Variants in CRTAC1 observed in about 807,000 individuals in gnomAD.
CRTAC1 encodes cartilage acidic protein 1.
A neutral mutation model predicts 67.8 loss-of-function variants in CRTAC1; 37 were observed. The ratio of observed to expected loss-of-function variants is 0.55; its 90% CI spans 0.42 to 0.72. The LOEUF (loss-of-function observed/expected upper bound fraction) is 0.72, where lower values mean the gene tolerates loss of function less well. Ranked by LOEUF, CRTAC1 falls within the 30% of genes least tolerant of loss-of-function variation. The pLI, the probability that CRTAC1 is intolerant of heterozygous loss-of-function variation, is 0.00. For missense variants in CRTAC1, 780 were observed against 931.6 expected (o/e 0.84, Z 2.12); for synonymous variants, 348 against 371.0 (o/e 0.94, Z 0.71).
At chr10:97,909,343 C>T (rs926326648) in intron 5 of CRTAC1, among the ~76,000 whole-genome samples, 1 of 152,092 alleles carries the variant, frequency 6.6e-6, no homozygotes, top group African/African-American at 2.4e-5. Flanking sequence ...GAAAATGGCC[C>T]GACCAGGATC....
chr10:97,885,655 C>A (rs1047448361), intron 11 of CRTAC1, among the ~76,000 whole-genome samples: 1 of 152,108 alleles, frequency 6.6e-6, no homozygotes, highest in African/African-American at 2.4e-5. Context: ...GGGGAGGAGG[C>A]GGGGGCTGGG....
At chr10:97,996,870 A>G (rs980531543) in intron 2 of CRTAC1, among the ~76,000 whole-genome samples, 2 of 152,276 alleles carry the variant, frequency 1.3e-5, no homozygotes, top group South Asian at 2.1e-4. Flanking sequence ...TTAAGAAAAT[A>G]TGGCACATAT....
intron 2 of CRTAC1, among the ~76,000 whole-genome samples, chr10:97,995,676 C>T (rs1300820202): frequency 1.3e-5 from 2 of 152,098 alleles, no homozygotes; most frequent in Non-Finnish European, 2.9e-5. Flanking sequence ...TTAGACCTGG[C>T]AGCAATGAAT....
chr10:97,865,563 G>A lies in CRTAC1; in HGVS notation c.1971C>T (p.Cys657=), dbSNP rs773387702. 26 of 1,609,586 alleles carry A rather than the reference G, an allele frequency of 1.6e-5. No individual in the cohort carries two copies. In the South Asian group the frequency reaches 2.3e-4, roughly 14 times the overall value. Residue 657 remains cysteine, a synonymous_variant, in exon 15 of 15, where the codon TGC becomes TGT. Coordinates refer to ENST00000370597, the MANE Select transcript of CRTAC1 (RefSeq NM_018058.7). ...LNLGSVVKES[C]EPSC Reference sequence around the variant, plus strand: ...CCACCCCTGCTCAGCAGCTGGGCTCGCAGCTCTCCTTAACCACCGACCCCA... The same window carrying A: ...CCACCCCTGCTCAGCAGCTGGGCTCACAGCTCTCCTTAACCACCGACCCCA...
intron 3 of CRTAC1, 27 bp downstream of exon 3, chr10:97,936,142 AG>A (rs775302078): frequency 6.4e-7 from 1 of 1,556,298 alleles, no homozygotes; most frequent in Non-Finnish European, 8.7e-7. Flanking sequence ...GATGGGAAGC[AG>A]GAAGAGGCCT....
chr10:97,899,637 A>G (rs2050505735), intron 8 of CRTAC1, among the ~76,000 whole-genome samples: 1 of 152,216 alleles, frequency 6.6e-6, no homozygotes, highest in Non-Finnish European at 1.5e-5. Context: ...CTAATTAGTA[A>G]ATCTAGCGCC....
At position 97,904,669 on chromosome 10, in the gene CRTAC1, C is replaced by A; in HGVS notation, c.996G>T (p.Arg332=). ...QMSTHGKVRF[R]DIASPKFSMP... ...CTCCTGGGGTGAGGCCCCTTCTTAC[C>A]CGGAAGCGGACCTTCCCATGGGTGC... is the stretch of plus-strand genomic sequence containing the variant. The change falls in exon 7 of 15, where the codon CGG becomes CGT. Residue 332 remains arginine, a splice_region_variant and synonymous_variant. Transcript: ENST00000370597. The A allele has an allele frequency of 6.5e-7, 1 of 1,540,482 alleles. No individual in the cohort carries two copies. The highest frequency in any genetic ancestry group is 8.7e-7 in the Non-Finnish European group (1 of 1,146,660).
At chr10:98,012,519 C>A (rs1350957538) in intron 1 of CRTAC1, among the ~76,000 whole-genome samples, 1 of 151,076 alleles carries the variant, frequency 6.6e-6, no homozygotes, top group Non-Finnish European at 1.5e-5. Context: ...CTAGATGGAA[C>A]TTTTCCTGCT....
chr10:98,027,024 G>A (rs1173733456), intron 1 of CRTAC1, among the ~76,000 whole-genome samples: 5 of 152,084 alleles, frequency 3.3e-5, no homozygotes, highest in African/African-American at 1.2e-4. Context: ...AAAGTTAGCC[G>A]GGCGTAGTGG....
intron 14 of CRTAC1, chr10:97,878,464 AAT>A: frequency 2.0e-6 from 1 of 508,544 alleles, no homozygotes; most frequent in Non-Finnish European, 2.8e-6. Flanking sequence ...TTTTTTGTTG[AAT>A]ATGTTTTTAA....
At chr10:97,897,315 G>C (rs1310652811) in intron 8 of CRTAC1, among the ~76,000 whole-genome samples, 2 of 152,200 alleles carry the variant, frequency 1.3e-5, no homozygotes, top group African/African-American at 4.8e-5. Context: ...TCCTTCAAGT[G>C]GCCCCTGGGT....
At position 97,912,606 on chromosome 10, in the gene CRTAC1, G is replaced by T. The variant is rs112087302; in HGVS notation, c.716-4459C>A. Among the ~76,000 whole-genome samples the T allele has an allele frequency of 2.0e-5, 3 of 152,196 alleles. No homozygotes were observed. The East Asian group carries it at 5.8e-4, about 29-fold the overall frequency. Reference sequence around the variant, plus strand: ...TGGGCCAGCCCTCAGGGACTGGGGGGTGAGACAGGGAAAGATGGTGGGGAG... The same window carrying T: ...TGGGCCAGCCCTCAGGGACTGGGGGTTGAGACAGGGAAAGATGGTGGGGAG... On this transcript the variant is annotated intron_variant, in intron 5 of 14. Transcript: ENST00000370597.
intron 2 of CRTAC1, among the ~76,000 whole-genome samples, chr10:97,948,308 G>C (rs1052917390): frequency 4.6e-5 from 7 of 152,174 alleles, no homozygotes; most frequent in Non-Finnish European, 8.8e-5. Flanking sequence ...AAGTGTATTT[G>C]GCAATTTGGA....
intron 2 of CRTAC1, among the ~76,000 whole-genome samples, chr10:97,981,051 C>A (rs189466306): frequency 5.3e-5 from 8 of 152,266 alleles, no homozygotes; most frequent in South Asian, 4.1e-4. Context: ...AAATAAGGCA[C>A]CTGGAGCCAG....
intron 14 of CRTAC1, 76 bp downstream of exon 14, chr10:97,880,173 T>C: frequency 6.5e-7 from 1 of 1,530,812 alleles, no homozygotes; most frequent in Non-Finnish European, 9.0e-7. Context: ...GGGACCTTGA[T>C]CTGGGGCCTA....
chr10:97,982,387 C>T (rs554415036), intron 2 of CRTAC1, among the ~76,000 whole-genome samples: 3 of 152,210 alleles, frequency 2.0e-5, no homozygotes, highest in Non-Finnish European at 4.4e-5. Context: ...TAACCATCTT[C>T]CAGCATGAAG....
At chr10:97,999,124 G>A (rs1326025871) in intron 2 of CRTAC1, among the ~76,000 whole-genome samples, 1 of 152,228 alleles carries the variant, frequency 6.6e-6, no homozygotes, top group Admixed American at 6.5e-5. Context: ...CACGAAGAAG[G>A]CAGGAGCCCT....
chr10:97,956,239 T>C (rs1412659707), intron 2 of CRTAC1, among the ~76,000 whole-genome samples: 2 of 152,242 alleles, frequency 1.3e-5, no homozygotes, highest in East Asian at 3.8e-4. Flanking sequence ...ATTGACTGCT[T>C]ACTGTCTGCC....
intron 2 of CRTAC1, among the ~76,000 whole-genome samples, chr10:97,966,593 A>G (rs2051620220): frequency 6.6e-6 from 1 of 152,168 alleles, no homozygotes; most frequent in African/African-American, 2.4e-5. Context: ...ATTATTTACT[A>G]ATATCCACAC....
Sources: gnomAD v4.1 joint callset for allele counts (sites outside exome capture counted in the v4.1 genomes callset) on GRCh38, gnomAD v4.1.1 for gene constraint, MANE v1.5 for transcripts, NCBI Gene and HGNC (gene_info 2026-07-23, HGNC 2026-07-21) for gene names.